Variants in ZFHX4 observed in about 807,000 individuals in gnomAD.
The protein encoded by ZFHX4 is zinc finger homeobox protein 4.
A neutral mutation model predicts 267.6 loss-of-function variants in ZFHX4; 56 were observed. That is an observed-to-expected ratio of 0.21 (90% confidence interval 0.17 to 0.26). The LOEUF (loss-of-function observed/expected upper bound fraction) is 0.26. Ranked by LOEUF, ZFHX4 falls within the 10% of genes least tolerant of loss-of-function variation. The pLI, the probability that ZFHX4 is intolerant of heterozygous loss-of-function variation, is 1.00. For synonymous variants in ZFHX4, 1,778 were observed against 1,665.6 expected (o/e 1.07, Z -1.64); for missense variants, 4,332 against 4,420.0 (o/e 0.98, Z 0.56).
At position 76,855,990 on chromosome 8, in the gene ZFHX4, A is replaced by G; in HGVS notation, c.9069A>G (p.Arg3023=). ...AGTACTCTGCCCGCTTGTCCATCAG[A>G]GATCACATTTTCTCCAAACAGCACA... ...GVKYSARLSI[R]DHIFSKQHIS... is the part of the protein sequence containing the mutation. Residue 3023 remains arginine, a synonymous_variant, in exon 10 of 11, where the codon AGA becomes AGG. Coordinates refer to ENST00000651372, the MANE Select transcript of ZFHX4 (RefSeq NM_024721.5). 1 of 1,613,968 alleles carries G rather than the reference A, an allele frequency of 6.2e-7. No homozygotes were observed. Among genetic ancestry groups the G allele is most frequent in the Non-Finnish European group, 8.5e-7 (1 of 1,179,872 alleles).
chr8:76,781,710 T>A (rs1019519562), intron 4 of ZFHX4, among the ~76,000 whole-genome samples: 1 of 152,108 alleles, frequency 6.6e-6, no homozygotes, highest in African/African-American at 2.4e-5. Flanking sequence ...GACTATAAAA[T>A]ATTTCTACTG....
At chr8:76,708,075 G>T in intron 3 of ZFHX4, 27 bp downstream of exon 3, 1 of 1,609,982 alleles carries the variant, frequency 6.2e-7, no homozygotes. Context: ...ATTTCCGTTG[G>T]CACAGAGTAG....
At position 76,853,448 on chromosome 8, in the gene ZFHX4, G is replaced by C; in HGVS notation, c.6527G>C (p.Trp2176Ser). Residue 2176 changes from tryptophan to serine, a missense_variant, in exon 10 of 11, where the codon TGG (tryptophan) becomes TCG (serine). Transcript: ENST00000651372. ...SGLSQKVIKH[W>S]FRNTLFKERQ... ...CTCTCCCAAAAAGTTATCAAACACT[G>C]GTTTAGAAATACGCTTTTTAAGGAA... 6.2e-7 allele frequency: 1 copy of C among 1,613,724 alleles called. No individual in the cohort carries two copies. The highest frequency in any genetic ancestry group is 8.5e-7 in the Non-Finnish European group (1 of 1,179,844).
In ZFHX4 at chr8:76,854,087, C is replaced by A. The variant is rs748618310; in HGVS notation, c.7166C>A (p.Thr2389Asn). 10 of 1,613,758 alleles carry A rather than the reference C, an allele frequency of 6.2e-6. No homozygotes were observed. The Admixed American group carries it at 1.5e-4, about 24-fold the overall frequency. The change falls in exon 10 of 11, where the codon ACC (threonine) becomes AAC (asparagine). Residue 2389 changes from threonine to asparagine, a missense_variant. Coordinates refer to ENST00000651372, the MANE Select transcript of ZFHX4 (RefSeq NM_024721.5). ...GCAAGTTCTGGCTCTGGGACCAGCA[C>A]CCCCCTGATTCCATCACCCAAACCA... ...PAASSGSGTS[T>N]PLIPSPKPEP... is the part of the protein sequence containing the mutation.
intron 3 of ZFHX4, among the ~76,000 whole-genome samples, chr8:76,738,599 T>TTTCCCTCCTTCCTTCCTTCCTTCC (rs1554556158): frequency 3.1e-5 from 4 of 130,012 alleles, no homozygotes; most frequent in Non-Finnish European, 6.5e-5. Context: ...TTTCTTTCTT[T>TTTCCCTCCTTCCTTCCTTCCTTCC]TTCCTTCCTT....
At chr8:76,799,857 T>TA (rs1404647994) in intron 4 of ZFHX4, among the ~76,000 whole-genome samples, 2 of 152,204 alleles carry the variant, frequency 1.3e-5, no homozygotes, top group Non-Finnish European at 2.9e-5. Flanking sequence ...TGATTATACA[T>TA]ACTGGCTGTA....
At chr8:76,804,471 A>G (rs989140363) in intron 4 of ZFHX4, among the ~76,000 whole-genome samples, 4 of 152,136 alleles carry the variant, frequency 2.6e-5, no homozygotes. Context: ...ATACCTGAAA[A>G]TAAATACTTC....
At chr8:76,697,531 T>C (rs1443270715) in intron 1 of ZFHX4, among the ~76,000 whole-genome samples, 1 of 152,018 alleles carries the variant, frequency 6.6e-6, no homozygotes, top group African/African-American at 2.4e-5. Context: ...GTAACTATGA[T>C]TTATAAATTC....
rs1200333275 is a variant in ZFHX4, at chr8:76,863,643, T to C, written c.9929T>C (p.Leu3310Pro). The change falls in exon 11 of 11, where the codon CTG (leucine) becomes CCG (proline). Residue 3310 changes from leucine (L) to proline (P), a missense_variant. Physicochemically the swap from Leu to Pro is moderately conservative, Grantham distance 98. Coordinates refer to ENST00000651372, the MANE Select transcript of ZFHX4 (RefSeq NM_024721.5). Reference protein sequence around the residue: ...GPTMPQTLAGLSPGALLQQYQ... With the variant: ...GPTMPQTLAGPSPGALLQQYQ... ...ACAATGCCCCAGACACTGGCAGGTC[T>C]GTCCCCAGGTGCACTGTTGCAGCAG... is the stretch of plus-strand genomic sequence containing the variant. 6.2e-7 allele frequency: 1 copy of C among 1,612,000 alleles called. No individual in the cohort carries two copies. The highest frequency in any genetic ancestry group is 8.5e-7 in the Non-Finnish European group (1 of 1,178,996).
Position 76,851,967 on chromosome 8 carries a change from A to G in ZFHX4, c.5046A>G (p.Gln1682=), listed in dbSNP as rs1812539890. 6.2e-7 allele frequency: 1 copy of G among 1,613,882 alleles called. No individual in the cohort carries two copies. Among genetic ancestry groups the G allele is most frequent in the African/African-American group, 1.3e-5 (1 of 74,940 alleles). ...KKQTPDLISA[Q]PAHHPPQSPA... Reference sequence around the variant, plus strand: ...AAACTCCTGATTTAATCTCTGCTCAACCTGCACATCACCCACCACAGTCAC... The same window carrying G: ...AAACTCCTGATTTAATCTCTGCTCAGCCTGCACATCACCCACCACAGTCAC... Residue 1682 remains glutamine (Q), a synonymous_variant, in exon 10 of 11, where the codon CAA becomes CAG. Coordinates refer to ENST00000651372, the MANE Select transcript of ZFHX4 (RefSeq NM_024721.5).
intron 6 of ZFHX4, among the ~76,000 whole-genome samples, chr8:76,847,926 G>C (rs1456416363): frequency 1.3e-5 from 2 of 151,954 alleles, no homozygotes; most frequent in Non-Finnish European, 2.9e-5. Context: ...ATTTACGTGG[G>C]GTCTGATAGC....
At chr8:76,804,909 C>T (rs930549910) in intron 4 of ZFHX4, among the ~76,000 whole-genome samples, 6 of 151,996 alleles carry the variant, frequency 3.9e-5, no homozygotes, top group African/African-American at 1.4e-4. Context: ...AACTAGCCCC[C>T]GTTTGAGAGA....
chr8:76,863,506 A>G lies in ZFHX4; in HGVS notation c.9792A>G (p.Pro3264=), dbSNP rs142563370. The part of the protein sequence containing the change: ...PASFIGGQFL[P]YFIPGFASYF... ...CCTTTATAGGCGGACAGTTCTTGCC[A>G]TACTTTATCCCTGGGTTTGCTTCTT... The change falls in exon 11 of 11, where the codon CCA becomes CCG. Residue 3264 remains proline, a synonymous_variant. Coordinates refer to ENST00000651372, the MANE Select transcript of ZFHX4 (RefSeq NM_024721.5). The G allele has an allele frequency of 1.2e-3, 1,957 of 1,613,518 alleles. 26 individuals carry two copies. The African/African-American group carries it at 0.023, about 19-fold the overall frequency.
At chr8:76,799,905 C>CA (rs1811074637) in intron 4 of ZFHX4, among the ~76,000 whole-genome samples, 1 of 152,076 alleles carries the variant, frequency 6.6e-6, no homozygotes, top group Non-Finnish European at 1.5e-5. Context: ...TTGATCACTG[C>CA]AAAAAACGAA....
At chr8:76,837,541 C>T (rs1304043609) in intron 5 of ZFHX4, among the ~76,000 whole-genome samples, 2 of 151,534 alleles carry the variant, frequency 1.3e-5, no homozygotes, top group African/African-American at 4.8e-5. Context: ...AATCAAACAC[C>T]CCTTTTACAT....
At chr8:76,822,002 C>A (rs1349715531) in intron 4 of ZFHX4, among the ~76,000 whole-genome samples, 1 of 151,986 alleles carries the variant, frequency 6.6e-6, no homozygotes, top group Non-Finnish European at 1.5e-5. Flanking sequence ...TCTGTTTCTG[C>A]CCCTGTCTCT....
chr8:76,769,507 T>C (rs1460058814), intron 3 of ZFHX4, among the ~76,000 whole-genome samples: 1 of 152,074 alleles, frequency 6.6e-6, no homozygotes, highest in Admixed American at 6.6e-5. Flanking sequence ...TGAGTCACTA[T>C]GCCTGGCTAA....
In ZFHX4 at chr8:76,856,789, C is replaced by T. The variant is rs140228676; in HGVS notation, c.9379+489C>T. Among the ~76,000 whole-genome samples the T allele has an allele frequency of 2.8e-3, 423 of 152,248 alleles. 2 individuals carry two copies. The highest frequency in any genetic ancestry group is 9.7e-3 in the African/African-American group (404 of 41,544). Reference sequence around the variant, plus strand: ...GACACCCAGAGTTCAAAAGTTGAGTCCTTCAGCCACAGGTATTCACCCACA... The same window carrying T: ...GACACCCAGAGTTCAAAAGTTGAGTTCTTCAGCCACAGGTATTCACCCACA... On this transcript the variant is annotated intron_variant, in intron 10 of 10. Coordinates refer to ENST00000651372, the MANE Select transcript of ZFHX4 (RefSeq NM_024721.5).
rs777313681 is a variant in ZFHX4, at chr8:76,849,522, G to A, written c.3656G>A (p.Cys1219Tyr). 6.2e-7 allele frequency: 1 copy of A among 1,612,900 alleles called. No individual in the cohort carries two copies. Among genetic ancestry groups the A allele is most frequent in the South Asian group, 1.1e-5 (1 of 91,048 alleles). ...NKFCHEQFYQ[C>Y]PYCNYNSRDQ... Reference sequence around the variant, plus strand: ...TTCAATATTTTCCAGTTCTATCAATGTCCTTATTGTAACTACAATAGTAGG... The same window carrying A: ...TTCAATATTTTCCAGTTCTATCAATATCCTTATTGTAACTACAATAGTAGG... Residue 1219 changes from cysteine (C) to tyrosine (Y), a missense_variant, in exon 8 of 11, where the codon TGT (cysteine) becomes TAT (tyrosine). Cys to Tyr is a radical substitution (Grantham distance 194). Coordinates refer to ENST00000651372, the MANE Select transcript of ZFHX4 (RefSeq NM_024721.5).
Sources: gnomAD v4.1 joint callset for allele counts (sites outside exome capture counted in the v4.1 genomes callset) on GRCh38, gnomAD v4.1.1 for gene constraint, MANE v1.5 for transcripts, NCBI Gene and HGNC (gene_info 2026-07-23, HGNC 2026-07-21) for gene names.